FLT1: variants seen among roughly 807,000 people sequenced by gnomAD.
The protein encoded by FLT1 is fms related receptor tyrosine kinase 1.
FLT1 carries 49 observed loss-of-function variants against 156.3 expected under a neutral mutation model. The observed-to-expected ratio is 0.31, with a 90% confidence interval of 0.25 to 0.40. FLT1 has a LOEUF of 0.40. Ranked by LOEUF, FLT1 falls within the 10% of genes least tolerant of loss-of-function variation. The probability of loss-of-function intolerance (pLI) is 1.00; values close to 1 mark genes in which losing one functional copy is unlikely to be tolerated. For synonymous variants in FLT1, 594 were observed against 583.8 expected, an observed-to-expected ratio of 1.02 and a Z score of -0.25; for missense variants, 1,322 against 1,637.2, an observed-to-expected ratio of 0.81 and a Z score of 3.32.
chr13:28,468,472 A>G (rs535692631), intron 1 of FLT1, among the ~76,000 whole-genome samples: 12 of 152,332 alleles, frequency 7.9e-5, no homozygotes, highest in Middle Eastern at 3.4e-3. Flanking sequence ...TATCTGTAAA[A>G]AAGAGATTGG....
At chr13:28,360,630 A>G (rs1363992702) in intron 14 of FLT1, among the ~76,000 whole-genome samples, 2 of 152,190 alleles carry the variant, frequency 1.3e-5, no homozygotes, top group Non-Finnish European at 2.9e-5. Flanking sequence ...TGTGGAATCT[A>G]AAAAAGTTGA....
chr13:28,454,689 T>G (rs748286964), intron 3 of FLT1, among the ~76,000 whole-genome samples: 2 of 152,060 alleles, frequency 1.3e-5, no homozygotes, highest in Non-Finnish European at 2.9e-5. Context: ...GTATACAGAT[T>G]GGAAAAGAAA....
At chr13:28,332,085 A>G (rs948126206) in intron 18 of FLT1, among the ~76,000 whole-genome samples, 1 of 152,028 alleles carries the variant, frequency 6.6e-6, no homozygotes, top group African/African-American at 2.4e-5. Flanking sequence ...TGAATTAGCT[A>G]GGTGTGATGG....
rs1362857606 is a variant in FLT1, at chr13:28,436,319, C to G, written c.513+1902G>C. ...GCATGTGAAAAGGAGAGGGAGGGGA[C>G]AGAAAATTAGAAGAAAAGGGACAAT... On this transcript the variant is annotated intron_variant, in intron 4 of 29. Transcript: ENST00000282397. Among the ~76,000 whole-genome samples, 6 of 152,002 alleles carry G rather than the reference C, an allele frequency of 3.9e-5. No homozygotes were observed. In the East Asian group the frequency reaches 1.2e-3, roughly 29 times the overall value.
chr13:28,319,654 C>T, intron 23 of FLT1, 120 bp from the exon 24 acceptor site: 1 of 693,314 alleles, frequency 1.4e-6, no homozygotes, highest in Non-Finnish European at 2.7e-6. Flanking sequence ...CCGAGAGCAG[C>T]TCTGGTTTCC....
chr13:28,473,570 G>A (rs768417380), intron 1 of FLT1, among the ~76,000 whole-genome samples: 15 of 151,256 alleles, frequency 9.9e-5, no homozygotes, highest in Admixed American at 2.6e-4. Context: ...GCTTAAACCC[G>A]GGAGGCGGAG....
chr13:28,319,779 T>C (rs1871365752), intron 23 of FLT1, among the ~76,000 whole-genome samples: 1 of 152,236 alleles, frequency 6.6e-6, no homozygotes, highest in Admixed American at 6.5e-5. Context: ...GTGTTCAGCA[T>C]GTCCTTATCT....
At position 28,431,292 on chromosome 13, in the gene FLT1, C is replaced by T. The variant is rs372354806; in HGVS notation, c.832G>A (p.Val278Ile). 114 of 1,613,404 alleles carry T rather than the reference C, an allele frequency of 7.1e-5. No individual in the cohort carries two copies. The highest frequency in any genetic ancestry group is 1.7e-4 in the Middle Eastern group (1 of 6,060). ...YPDEKNKRASVRRRIDQSNSH... is the reference protein window; with the variant it reads ...YPDEKNKRASIRRRIDQSNSH... ...TTGCTTTGGTCAATTCGTCGCCTTA[C>T]GGAAGCTCTCTTATTTTTCTAGAAA... The change falls in exon 7 of 30, where the codon GTA becomes ATA. Residue 278 changes from valine (V) to isoleucine (I), a missense_variant. Physicochemically the swap from Val to Ile is conservative, Grantham distance 29. Around this residue, in one of 3 missense-constraint regions of FLT1, gnomAD observed 991 missense variants for 1,254.8 expected, o/e 0.79. Transcript: ENST00000282397.
At chr13:28,479,018 T>C (rs372412329) in intron 1 of FLT1, among the ~76,000 whole-genome samples, 1 of 152,210 alleles carries the variant, frequency 6.6e-6, no homozygotes, top group African/African-American at 2.4e-5. Context: ...TCAGCTTACT[T>C]TGATACAGTT....
chr13:28,355,575 G>A (rs368533773), intron 15 of FLT1, among the ~76,000 whole-genome samples: 3 of 152,208 alleles, frequency 2.0e-5, no homozygotes, highest in African/African-American at 7.2e-5. Flanking sequence ...TCATCCCGGA[G>A]TACATTCCAG....
intron 25 of FLT1, among the ~76,000 whole-genome samples, chr13:28,315,267 A>G (rs1210386103): frequency 6.6e-6 from 1 of 152,214 alleles, no homozygotes; most frequent in East Asian, 1.9e-4. Flanking sequence ...ATAAAAACTA[A>G]TTTCAGGCCA....
chr13:28,328,311 C>G (rs564249434), intron 19 of FLT1: 1 of 152,408 alleles, frequency 6.6e-6, no homozygotes, highest in East Asian at 1.9e-4. Context: ...CAACCCGACC[C>G]CGGTCTGAAG....
chr13:28,432,710 C>T (rs3794405), intron 6 of FLT1, among the ~76,000 whole-genome samples: 116,820 of 152,198 alleles, frequency 0.77, 44,990 homozygotes, highest in Non-Finnish European at 0.78. Flanking sequence ...GAAAGTTCTG[C>T]TGGACAGTGC....
At chr13:28,396,077 C>T (rs1455034077) in intron 12 of FLT1, among the ~76,000 whole-genome samples, 1 of 152,220 alleles carries the variant, frequency 6.6e-6, no homozygotes, top group Non-Finnish European at 1.5e-5. Flanking sequence ...TCCCTGACAG[C>T]CCTGACGTTC....
At position 28,322,383 on chromosome 13, in the gene FLT1, T is replaced by A; in HGVS notation, c.2954-24A>T. 1 of 1,414,828 alleles carries A rather than the reference T, an allele frequency of 7.1e-7. No individual in the cohort carries two copies. Among genetic ancestry groups the A allele is most frequent in the Non-Finnish European group, 1.0e-6 (1 of 998,272 alleles). 87.6% of individuals were successfully genotyped at this position (1,414,828 alleles called of 1,614,324 possible). On this transcript the variant is annotated intron_variant, in intron 21 of 29. Transcript: ENST00000282397. The surrounding 1 kb of genome is among the most constrained non-coding windows in gnomAD (Gnocchi z 4.3). Reference sequence around the variant, plus strand: ...ATCTGGAAAGCATTAGAACCGTAACTGTTTGTAATGGCTCTTGTTATCCCA... The same window carrying A: ...ATCTGGAAAGCATTAGAACCGTAACAGTTTGTAATGGCTCTTGTTATCCCA...
At chr13:28,321,133 A>G (rs969611293) in intron 23 of FLT1, among the ~76,000 whole-genome samples, 28 of 152,112 alleles carry the variant, frequency 1.8e-4, no homozygotes, top group Non-Finnish European at 8.8e-5. Context: ...TCAGTGGTAC[A>G]AGGAATTCCC....
intron 1 of FLT1, among the ~76,000 whole-genome samples, chr13:28,481,230 G>A (rs2137655144): frequency 6.6e-6 from 1 of 152,280 alleles, no homozygotes; most frequent in Admixed American, 6.5e-5. Flanking sequence ...TATCTCCTGG[G>A]AAGCAATTCT....
rs938527247 is a variant in FLT1 at position 28,425,981 on chromosome 13, G to A, written c.1436+1178C>T. ...TGTGTGGAAAACAGCTACTTCCCAG[G>A]AATTCCATAGCTCACCAGTAACTTT... is the stretch of plus-strand genomic sequence containing the variant. On this transcript the variant is annotated intron_variant, in intron 10 of 29. Coordinates refer to ENST00000282397, the MANE Select transcript of FLT1 (RefSeq NM_002019.4). Among the ~76,000 whole-genome samples, 4 of 152,058 alleles carry A rather than the reference G, an allele frequency of 2.6e-5. No individual in the cohort carries two copies. The East Asian group carries it at 7.7e-4, about 29-fold the overall frequency.
rs1871516455 is a variant in FLT1 at position 28,322,753 on chromosome 13, A to G, written c.2953+37T>C. On this transcript the variant is annotated intron_variant, in intron 21 of 29. Coordinates refer to ENST00000282397, the MANE Select transcript of FLT1 (RefSeq NM_002019.4). The surrounding 1 kb of genome is among the most constrained non-coding windows in gnomAD (Gnocchi z 4.3). The stretch of plus-strand genomic sequence containing the variant: ...GAGATGCATAGTATGTTGTAAAAAT[A>G]TCTCAGCGCGTAGGACAGGAAGGAA... 6.2e-7 allele frequency: 1 copy of G among 1,603,248 alleles called. No homozygotes were observed. Among genetic ancestry groups the G allele is most frequent in the Admixed American group, 1.7e-5 (1 of 59,998 alleles).
Sources: gnomAD v4.1 joint callset for allele counts (sites outside exome capture counted in the v4.1 genomes callset) on GRCh38, gnomAD v4.1.1 for gene constraint, gnomAD v4.1.1 regional missense constraint, Gnocchi (gnomAD v3.1) non-coding constraint, MANE v1.5 for transcripts, NCBI Gene and HGNC (gene_info 2026-07-23, HGNC 2026-07-21) for gene names.